The following CDK14 variants were observed in gnomAD, a reference collection of about 807,000 sequenced individuals.
The protein encoded by CDK14 is cyclin-dependent kinase 14.
A neutral mutation model predicts 60.7 loss-of-function variants in CDK14; 34 were observed. The observed-to-expected ratio is 0.56, with a 90% CI of 0.43 to 0.75. The LOEUF is 0.75. CDK14 is among the 30% of genes least tolerant of loss of function. CDK14 has a pLI of 0.00. For missense variants in CDK14, 482 were observed against 564.1 expected, an observed-to-expected ratio of 0.85 and a Z score of 1.47; for synonymous variants, 197 against 203.7, an observed-to-expected ratio of 0.97 and a Z score of 0.28.
intron 11 of CDK14, among the ~76,000 whole-genome samples, chr7:91,074,592 A>G (rs1365572326): frequency 6.6e-6 from 1 of 152,222 alleles, no homozygotes; most frequent in Non-Finnish European, 1.5e-5. Flanking sequence ...TAAAGGAACT[A>G]GAGAAGCAAG....
At chr7:91,154,222 CT>C (rs1176279423) in intron 14 of CDK14, among the ~76,000 whole-genome samples, 2 of 150,872 alleles carry the variant, frequency 1.3e-5, no homozygotes, top group African/African-American at 2.4e-5. Flanking sequence ...TTATAATCTC[CT>C]TTTTTTTCTG....
chr7:91,034,112 T>G (rs1796842765), intron 10 of CDK14, among the ~76,000 whole-genome samples: 1 of 152,190 alleles, frequency 6.6e-6, no homozygotes, highest in South Asian at 2.1e-4. Flanking sequence ...GTTGTGTTCA[T>G]TCATCCACCA....
At chr7:91,180,881 T>G (rs958928510) in intron 14 of CDK14, among the ~76,000 whole-genome samples, 3 of 152,236 alleles carry the variant, frequency 2.0e-5, no homozygotes, top group African/African-American at 7.2e-5. Context: ...GTAGACAGAA[T>G]GAACTGCCAT....
chr7:90,747,803 A>T, intron 4 of CDK14, 28 bp downstream of exon 4: 1 of 1,250,468 alleles, frequency 8.0e-7, no homozygotes, highest in Non-Finnish European at 1.1e-6. Flanking sequence ...GGAATATTTC[A>T]CATGTACAGT....
chr7:90,819,775 T>G (rs1270304049), intron 5 of CDK14, among the ~76,000 whole-genome samples: 6 of 152,152 alleles, frequency 3.9e-5, no homozygotes, highest in Non-Finnish European at 2.9e-5. Context: ...GCAACAGAAT[T>G]ATCATCTTTT....
intron 9 of CDK14, among the ~76,000 whole-genome samples, chr7:90,958,632 C>A (rs750247727): frequency 1.3e-5 from 2 of 152,032 alleles, no homozygotes; most frequent in African/African-American, 4.8e-5. Flanking sequence ...AAAATAAAGG[C>A]CAATGAATGC....
intron 10 of CDK14, among the ~76,000 whole-genome samples, chr7:90,993,827 T>A (rs1441463800): frequency 6.6e-6 from 1 of 152,190 alleles, no homozygotes; most frequent in Non-Finnish European, 1.5e-5. Context: ...GATAGTTTAT[T>A]TACTTTTCTA....
At chr7:90,783,393 C>T (rs371896665) in intron 4 of CDK14, among the ~76,000 whole-genome samples, 1 of 152,056 alleles carries the variant, frequency 6.6e-6, no homozygotes, top group South Asian at 2.1e-4. Context: ...GAACTATTTG[C>T]CCAACCAATG....
intron 14 of CDK14, among the ~76,000 whole-genome samples, chr7:91,206,468 T>C (rs1193485549): frequency 1.3e-5 from 2 of 152,228 alleles, no homozygotes; most frequent in East Asian, 3.8e-4. Flanking sequence ...TGGCAAGGCA[T>C]TCTTTTCCCA....
intron 14 of CDK14, among the ~76,000 whole-genome samples, chr7:91,152,624 G>GC (rs1554441175): frequency 6.6e-6 from 1 of 152,100 alleles, no homozygotes; most frequent in African/African-American, 2.4e-5. Context: ...TGTGCTATGT[G>GC]CTGGGGCTGT....
At chr7:91,105,879 C>T (rs1799281033) in intron 12 of CDK14, among the ~76,000 whole-genome samples, 1 of 151,890 alleles carries the variant, frequency 6.6e-6, no homozygotes, top group Non-Finnish European at 1.5e-5. Flanking sequence ...TTGAAAAGAC[C>T]TTATAAAATC....
chr7:90,726,853 G>T (rs1554441757), intron 3 of CDK14, 41 bp downstream of exon 3: 1 of 1,606,194 alleles, frequency 6.2e-7, no homozygotes, highest in South Asian at 1.1e-5. Context: ...TAAACAGAAG[G>T]AATAGCCTTC....
intron 3 of CDK14, among the ~76,000 whole-genome samples, chr7:90,738,950 A>C (rs1278641736): frequency 1.3e-5 from 2 of 151,518 alleles, no homozygotes; most frequent in Non-Finnish European, 2.9e-5. Flanking sequence ...CTCTTTAAAT[A>C]TTTGGCATTT....
chr7:90,661,480 G>T (rs1800865278), intron 2 of CDK14, among the ~76,000 whole-genome samples: 2 of 152,164 alleles, frequency 1.3e-5, no homozygotes, highest in African/African-American at 4.8e-5. Flanking sequence ...TGGAATATAT[G>T]CTAGTCTTAG....
intron 6 of CDK14, among the ~76,000 whole-genome samples, chr7:90,881,076 C>T (rs954372130): frequency 3.9e-5 from 6 of 152,162 alleles, no homozygotes; most frequent in Non-Finnish European, 7.3e-5. Context: ...GGACAAAGAA[C>T]TGGGTGGGGG....
intron 9 of CDK14, among the ~76,000 whole-genome samples, chr7:90,959,203 G>A (rs3808260): frequency 2.0e-5 from 3 of 152,178 alleles, no homozygotes; most frequent in South Asian, 4.1e-4. Flanking sequence ...TTTTGTCTAC[G>A]TGCCAAGATT....
intron 10 of CDK14, among the ~76,000 whole-genome samples, chr7:91,029,437 T>C (rs914821218): frequency 6.6e-6 from 1 of 152,152 alleles, no homozygotes; most frequent in Non-Finnish European, 1.5e-5. Flanking sequence ...ATATTGATGC[T>C]TTCAGTCCAT....
intron 11 of CDK14, among the ~76,000 whole-genome samples, chr7:91,074,091 G>A (rs1315389152): frequency 1.3e-5 from 2 of 151,920 alleles, no homozygotes; most frequent in Non-Finnish European, 2.9e-5. Flanking sequence ...TTAGATTAAT[G>A]AGACAGAAAA....
intron 10 of CDK14, among the ~76,000 whole-genome samples, chr7:91,042,811 G>A (rs1369930079): frequency 6.6e-6 from 1 of 152,124 alleles, no homozygotes; most frequent in Non-Finnish European, 1.5e-5. Flanking sequence ...ACTTAAATGT[G>A]TCTTGTTAAT....
Sources: allele counts gnomAD v4.1 joint callset (sites outside exome capture counted in the v4.1 genomes callset), GRCh38; gene constraint gnomAD v4.1.1; transcripts MANE v1.5; gene names NCBI Gene and HGNC (gene_info 2026-07-23, HGNC 2026-07-21).